EPHB1: variants seen among roughly 807,000 people sequenced by gnomAD.
EPHB1 encodes EPH receptor B1.
Under a neutral mutation model 94.4 loss-of-function variants are expected in EPHB1, and 30 were observed. The ratio of observed to expected loss-of-function variants is 0.32; its 90% CI spans 0.24 to 0.43. The LOEUF (loss-of-function observed/expected upper bound fraction) is 0.43. Among genes scored for constraint, EPHB1 ranks in the 20% least tolerant of loss-of-function variants. The pLI, the probability that EPHB1 is intolerant of heterozygous loss-of-function variation, is 1.00. For missense variants in EPHB1, 1,055 were observed against 1,308.3 expected (o/e 0.81, Z 2.99); for synonymous variants, 522 against 489.1 (o/e 1.07, Z -0.89).
At chr3:135,243,759 TC>T (rs969275918) in intron 13 of EPHB1, among the ~76,000 whole-genome samples, 15 of 152,274 alleles carry the variant, frequency 9.9e-5, no homozygotes, top group African/African-American at 3.1e-4. Flanking sequence ...TAATTAGGCT[TC>T]CAGAGCACAG....
At chr3:135,157,438 T>C (rs1941386956) in intron 6 of EPHB1, among the ~76,000 whole-genome samples, 2 of 152,206 alleles carry the variant, frequency 1.3e-5, no homozygotes, top group African/African-American at 4.8e-5. Context: ...TAACCTCAAC[T>C]TTTTATGCTG....
chr3:135,024,037 C>G (rs1471615983), intron 3 of EPHB1, among the ~76,000 whole-genome samples: 2 of 152,136 alleles, frequency 1.3e-5, no homozygotes, highest in Non-Finnish European at 2.9e-5. Flanking sequence ...AAAGGGGCCC[C>G]GCTGCAACTT....
chr3:134,956,313 C>G (rs1933271673), intron 3 of EPHB1, among the ~76,000 whole-genome samples: 1 of 152,086 alleles, frequency 6.6e-6, no homozygotes, highest in African/African-American at 2.4e-5. Context: ...TGAGTGCTGC[C>G]TGAGGGCTTG....
intron 3 of EPHB1, among the ~76,000 whole-genome samples, chr3:135,048,252 C>T (rs796066428): frequency 0.011 from 891 of 81,654 alleles, no homozygotes; most frequent in Middle Eastern, 0.031. Flanking sequence ...TTCTTTCTTT[C>T]TTTTTTCTTT....
chr3:135,119,016 C>T (rs1270436899), intron 4 of EPHB1, among the ~76,000 whole-genome samples: 2 of 152,216 alleles, frequency 1.3e-5, no homozygotes, highest in African/African-American at 4.8e-5. Flanking sequence ...CAGTGTGCAT[C>T]AGGCTTCTCC....
chr3:134,870,503 A>G (rs1407243380), intron 1 of EPHB1, among the ~76,000 whole-genome samples: 1 of 152,268 alleles, frequency 6.6e-6, no homozygotes, highest in African/African-American at 2.4e-5. Flanking sequence ...TAGAAAGGCC[A>G]GGAGAGAACT....
chr3:135,258,940 A>G, intron 15 of EPHB1, 72 bp from the exon 16 acceptor site: 1 of 1,227,672 alleles, frequency 8.1e-7, no homozygotes, highest in Non-Finnish European at 1.2e-6. Context: ...ACATGGCTTT[A>G]GTGATGAGTT....
At chr3:134,978,327 A>G (rs1934271014) in intron 3 of EPHB1, among the ~76,000 whole-genome samples, 2 of 152,140 alleles carry the variant, frequency 1.3e-5, no homozygotes, top group South Asian at 4.1e-4. Context: ...TTTCCCAAAA[A>G]GTAAAGCTGG....
At chr3:135,245,545 T>C (rs1459722875) in intron 13 of EPHB1, among the ~76,000 whole-genome samples, 1 of 143,580 alleles carries the variant, frequency 7.0e-6, no homozygotes, top group Non-Finnish European at 1.5e-5. Context: ...AATCGGCCCG[T>C]GCCTGTAATC....
chr3:135,000,996 T>C (rs922398022), intron 3 of EPHB1, among the ~76,000 whole-genome samples: 1 of 152,196 alleles, frequency 6.6e-6, no homozygotes, highest in Non-Finnish European at 1.5e-5. Flanking sequence ...TTTTCAAATA[T>C]GATTTGATTA....
intron 1 of EPHB1, among the ~76,000 whole-genome samples, chr3:134,843,062 G>T (rs1281374018): frequency 1.2e-4 from 18 of 151,866 alleles, no homozygotes; most frequent in Admixed American, 1.2e-3. Context: ...TTTAGTATTT[G>T]TTTGTATTTT....
At chr3:134,871,381 G>A (rs57253044) in intron 1 of EPHB1, among the ~76,000 whole-genome samples, 1,673 of 152,214 alleles carry the variant, frequency 0.011, 26 homozygotes, top group African/African-American at 0.039. Context: ...CCTGGGGTGA[G>A]GGAGTGAGGT....
chr3:135,018,116 G>T (rs1935863160), intron 3 of EPHB1, among the ~76,000 whole-genome samples: 1 of 151,998 alleles, frequency 6.6e-6, no homozygotes, highest in Admixed American at 6.6e-5. Context: ...ACGTAAAGGG[G>T]AAAAAACATC....
chr3:135,224,147 G>A (rs1408015511), intron 12 of EPHB1, among the ~76,000 whole-genome samples: 4 of 152,142 alleles, frequency 2.6e-5, no homozygotes, highest in Admixed American at 2.6e-4. Context: ...TGTGTAGTGA[G>A]CTATCCCATT....
chr3:135,107,920 A>G lies in EPHB1; in HGVS notation c.961+1317A>G, dbSNP rs1939283722. 3.3e-5 allele frequency among the ~76,000 whole-genome samples: 5 copies of G among 152,156 alleles called. No individual in the cohort carries two copies. In the South Asian group the frequency reaches 1.0e-3, roughly 32 times the overall value. On this transcript the variant is annotated intron_variant, in intron 4 of 15. Transcript: ENST00000398015. Reference sequence around the variant, plus strand: ...AGAAGTCCTGTTTTTCTGTTGTGCTATCTCCTCCACTGATTTCTGAGGTTG... The same window carrying G: ...AGAAGTCCTGTTTTTCTGTTGTGCTGTCTCCTCCACTGATTTCTGAGGTTG...
chr3:134,805,831 C>T (rs532381065), intron 1 of EPHB1, among the ~76,000 whole-genome samples: 13 of 152,292 alleles, frequency 8.5e-5, no homozygotes, highest in African/African-American at 2.4e-4. Context: ...GTCCCACACT[C>T]GATTGGGTTG....
chr3:134,841,102 CAGG>C (rs2036768261), intron 1 of EPHB1, among the ~76,000 whole-genome samples: 2 of 152,208 alleles, frequency 1.3e-5, no homozygotes, highest in Admixed American at 1.3e-4. Flanking sequence ...CTTATTCCAC[CAGG>C]AGAAGCTGTG....
At chr3:134,873,198 G>A (rs779506095) in intron 1 of EPHB1, among the ~76,000 whole-genome samples, 5 of 152,222 alleles carry the variant, frequency 3.3e-5, no homozygotes, top group Admixed American at 2.6e-4. Context: ...GAGCAAGAGC[G>A]AGAGGTTATG....
intron 1 of EPHB1, among the ~76,000 whole-genome samples, chr3:134,924,489 T>C (rs765992406): frequency 1.4e-4 from 21 of 152,338 alleles, no homozygotes; most frequent in Non-Finnish European, 2.8e-4. Context: ...GACAAGATGT[T>C]TAACACCATT....
Sources: allele counts gnomAD v4.1 joint callset (sites outside exome capture counted in the v4.1 genomes callset), GRCh38; gene constraint gnomAD v4.1.1; transcripts MANE v1.5; gene names NCBI Gene and HGNC (gene_info 2026-07-23, HGNC 2026-07-21).